HEMK2: variants seen among roughly 807,000 people sequenced by gnomAD.
HEMK2 encodes the protein methyltransferase HEMK2.
chr21:28,606,772 C>T, the HEMK2 span, among the ~76,000 whole-genome samples: 2 of 152,118 alleles, frequency 1.3e-5, no homozygotes, highest in Non-Finnish European at 2.9e-5. Flanking sequence ...ATAAAGTTTA[C>T]AGTTTAATGG....
At chr21:28,687,112 C>A in the HEMK2 span, among the ~76,000 whole-genome samples, 2 of 152,210 alleles carry the variant, frequency 1.3e-5, no homozygotes, top group African/African-American at 4.8e-5. Context: ...ATACCCCCTG[C>A]CACATCTGAA....
the HEMK2 span, chr21:28,882,053 A>G: frequency 1.4e-6 from 1 of 731,610 alleles, no homozygotes; most frequent in Non-Finnish European, 2.1e-6. Context: ...TGTACATGGT[A>G]TACTGCTTAG....
chr21:28,738,350 G>A, the HEMK2 span, among the ~76,000 whole-genome samples: 1 of 152,124 alleles, frequency 6.6e-6, no homozygotes, highest in African/African-American at 2.4e-5. Context: ...TATGTTGATC[G>A]CTATTATTGG....
At chr21:28,692,781 A>T in the HEMK2 span, among the ~76,000 whole-genome samples, 1 of 152,198 alleles carries the variant, frequency 6.6e-6, no homozygotes, top group East Asian at 1.9e-4. Context: ...AAGGATGAAC[A>T]AAGTGTGGTA....
the HEMK2 span, among the ~76,000 whole-genome samples, chr21:28,719,379 A>G: frequency 6.6e-6 from 1 of 152,114 alleles, no homozygotes; most frequent in African/African-American, 2.4e-5. Context: ...TTTCCCCCAT[A>G]CTGTTTTTGT....
the HEMK2 span, among the ~76,000 whole-genome samples, chr21:28,789,046 C>G: frequency 6.6e-6 from 1 of 152,070 alleles, no homozygotes; most frequent in East Asian, 1.9e-4. Flanking sequence ...GGAACAAACT[C>G]TGCTGACTCC....
the HEMK2 span, among the ~76,000 whole-genome samples, chr21:28,585,845 A>G: frequency 1.3e-5 from 2 of 151,632 alleles, no homozygotes; most frequent in African/African-American, 4.8e-5. Flanking sequence ...ATAAATCCTC[A>G]GATAAAGAAG....
the HEMK2 span, chr21:28,878,287 C>T: frequency 6.2e-7 from 1 of 1,612,772 alleles, no homozygotes; most frequent in African/African-American, 1.3e-5. Flanking sequence ...GACTTCCCGA[C>T]CATTTCTGCC....
chr21:28,852,151 C>A, the HEMK2 span, among the ~76,000 whole-genome samples: 3 of 152,234 alleles, frequency 2.0e-5, no homozygotes, highest in Non-Finnish European at 4.4e-5. Context: ...CTAATCTCTG[C>A]AATCCCTCCA....
chr21:28,609,663 A>AT, the HEMK2 span, among the ~76,000 whole-genome samples: 71 of 150,294 alleles, frequency 4.7e-4, no homozygotes, highest in Admixed American at 1.9e-3. Flanking sequence ...AAAAAAAAAA[A>AT]GATATAGGAT....
chr21:28,645,692 G>C, the HEMK2 span, among the ~76,000 whole-genome samples: 1 of 152,114 alleles, frequency 6.6e-6, no homozygotes, highest in Non-Finnish European at 1.5e-5. Context: ...GAGTTGATCA[G>C]GTCATGAGGT....
chr21:28,744,879 C>T, the HEMK2 span, among the ~76,000 whole-genome samples: 2 of 150,484 alleles, frequency 1.3e-5, no homozygotes, highest in Admixed American at 6.8e-5. Context: ...ATAAACCAAA[C>T]ACTTTTATGG....
the HEMK2 span, chr21:28,878,397 C>T: frequency 3.8e-6 from 6 of 1,581,954 alleles, no homozygotes; most frequent in East Asian, 9.1e-5. Flanking sequence ...CAAACTGAAT[C>T]TTTTTGACAA....
chr21:28,600,273 C>T, the HEMK2 span, among the ~76,000 whole-genome samples: 1 of 152,264 alleles, frequency 6.6e-6, no homozygotes, highest in Non-Finnish European at 1.5e-5. Flanking sequence ...TTCTATACAT[C>T]CTCTGAAATC....
chr21:28,662,838 AC>A, the HEMK2 span, among the ~76,000 whole-genome samples: 1 of 152,066 alleles, frequency 6.6e-6, no homozygotes, highest in Non-Finnish European at 1.5e-5. Context: ...TTTATAAATT[AC>A]CCAGTCTCAG....
chr21:28,877,631 T>TAGAA, the HEMK2 span, among the ~76,000 whole-genome samples: 2 of 138,686 alleles, frequency 1.4e-5, no homozygotes, highest in Non-Finnish European at 3.2e-5. Context: ...AAGAGAGAAA[T>TAGAA]AGGAAGGAAG....
At chr21:28,630,944 A>T in the HEMK2 span, among the ~76,000 whole-genome samples, 2,085 of 152,268 alleles carry the variant, frequency 0.014, 35 homozygotes, top group African/African-American at 0.039. Flanking sequence ...ATAAAATTTT[A>T]AAAAAAGAAA....
the HEMK2 span, among the ~76,000 whole-genome samples, chr21:28,701,041 C>T: frequency 6.6e-6 from 1 of 152,070 alleles, no homozygotes; most frequent in South Asian, 2.1e-4. Flanking sequence ...GAACTAAAAA[C>T]AAAAACCATA....
chr21:28,583,964 TAGAA>T, the HEMK2 span, among the ~76,000 whole-genome samples: 2 of 152,170 alleles, frequency 1.3e-5, no homozygotes, highest in East Asian at 3.8e-4. Context: ...AAATTTTCAA[TAGAA>T]AGAATCAAAA....
Sources: allele counts gnomAD v4.1 joint callset (sites outside exome capture counted in the v4.1 genomes callset), GRCh38; gene constraint gnomAD v4.1.1; transcripts MANE v1.5; gene names NCBI Gene and HGNC (gene_info 2026-07-23, HGNC 2026-07-21).